IP6K3: variants seen among roughly 807,000 people sequenced by gnomAD.
IP6K3 encodes the protein inositol hexakisphosphate kinase 3, also known as ATP:1D-myo-inositol-hexakisphosphate phosphotransferase.
Under a neutral mutation model 28.8 loss-of-function variants are expected in IP6K3, and 20 were observed. The ratio of observed to expected loss-of-function variants is 0.70; its 90% CI spans 0.49 to 1.01. The LOEUF is 1.01. Among genes scored for constraint, IP6K3 ranks in the 50% least tolerant of loss-of-function variants. The pLI is 0.00. For missense variants in IP6K3, 480 were observed against 537.1 expected (o/e 0.89, Z 1.05); for synonymous variants, 213 against 221.3 (o/e 0.96, Z 0.33).
At chr6:33,729,134 T>C (rs891776711) in intron 2 of IP6K3, among the ~76,000 whole-genome samples, 1 of 152,218 alleles carries the variant, frequency 6.6e-6, no homozygotes, top group South Asian at 2.1e-4. Flanking sequence ...TGGACATTGG[T>C]CGGGCTTGAG....
chr6:33,756,779 G>T, the IP6K3 span, among the ~76,000 whole-genome samples: 1 of 152,126 alleles, frequency 6.6e-6, no homozygotes, highest in Non-Finnish European at 1.5e-5. Flanking sequence ...AGTCCTAGGG[G>T]CTGTAAGTCA....
intron 1 of IP6K3, among the ~76,000 whole-genome samples, chr6:33,743,643 C>T (rs652049): frequency 0.19 from 28,689 of 151,990 alleles, 2,999 homozygotes; most frequent in African/African-American, 0.25. Context: ...TAGGATGGTG[C>T]GCCCTCTGTC....
At chr6:33,751,133 G>T (rs965249068), upstream of IP6K3, among the ~76,000 whole-genome samples, 1 of 152,130 alleles carries the variant, frequency 6.6e-6, no homozygotes, top group Non-Finnish European at 1.5e-5. The surrounding 1 kb of genome is among the most constrained non-coding windows in gnomAD (Gnocchi z 4.3). Context: ...TTGCAGCAAG[G>T]GGGGGCCTTG....
At chr6:33,729,775 G>A (rs4713669) in intron 2 of IP6K3, among the ~76,000 whole-genome samples, 59,148 of 151,398 alleles carry the variant, frequency 0.39, 14,329 homozygotes, top group East Asian at 0.86. Flanking sequence ...GTGCAGTGGC[G>A]CAATCTCGGC....
upstream of IP6K3, among the ~76,000 whole-genome samples, chr6:33,747,633 A>T (rs970028404): frequency 2.0e-5 from 3 of 151,780 alleles, no homozygotes; most frequent in African/African-American, 7.3e-5. The surrounding 1 kb of genome is among the most constrained non-coding windows in gnomAD (Gnocchi z 5.2). Context: ...GCTACAGGAG[A>T]GGCTGTGCAG....
At chr6:33,730,253 G>A (rs1301302400) in intron 2 of IP6K3, among the ~76,000 whole-genome samples, 1 of 152,170 alleles carries the variant, frequency 6.6e-6, no homozygotes, top group African/African-American at 2.4e-5. Flanking sequence ...TGGTCAGCGT[G>A]GACACTCGTT....
At chr6:33,728,492 G>A (rs1766205090) in intron 2 of IP6K3, among the ~76,000 whole-genome samples, 192 bp from the exon 3 acceptor site, 1 of 152,204 alleles carries the variant, frequency 6.6e-6, no homozygotes, top group Non-Finnish European at 1.5e-5. Flanking sequence ...CCCAGAATGA[G>A]CCCTGGAGCT....
At chr6:33,747,206 GA>G (rs534422460), upstream of IP6K3, among the ~76,000 whole-genome samples, 57 of 152,176 alleles carry the variant, frequency 3.7e-4, 1 homozygote, top group East Asian at 0.011. This position sits in a 1 kb window ranked among gnomAD's most constrained non-coding sequence, Gnocchi z 5.2. Flanking sequence ...AATTCAAAAG[GA>G]AAGGGGTGAG....
the IP6K3 span, among the ~76,000 whole-genome samples, chr6:33,754,987 G>C: frequency 5.3e-5 from 8 of 152,316 alleles, no homozygotes; most frequent in East Asian, 1.5e-3. Context: ...TCCTCACACA[G>C]GGTTGAGAGT....
intron 1 of IP6K3, among the ~76,000 whole-genome samples, chr6:33,739,606 G>A (rs1366310708): frequency 6.6e-6 from 1 of 152,240 alleles, no homozygotes; most frequent in Non-Finnish European, 1.5e-5. Context: ...CTCCAGCTCT[G>A]TGGGATTGAG....
chr6:33,725,735 C>G (rs988807787), intron 4 of IP6K3, 119 bp from the exon 5 acceptor site: 2 of 782,962 alleles, frequency 2.6e-6, no homozygotes, highest in Admixed American at 5.3e-5. Context: ...ATTCTTCACT[C>G]CCATTGCCTT....
In IP6K3 at chr6:33,728,294, A is replaced by G; in HGVS notation, c.206T>C (p.Val69Ala). Residue 69 changes from valine to alanine, a missense_variant, in exon 3 of 6, where the codon GTC (valine) becomes GCC (alanine). Coordinates refer to ENST00000293756, the MANE Select transcript of IP6K3 (RefSeq NM_054111.5). ...GCTGTCTTTCCAGAGGTGCACTGTG[A>G]CGGTACCTGCAAACACACAGGGAAG... ...KRFTPQYKGTVTVHLWKDSTG... is the reference protein window; with the variant it reads ...KRFTPQYKGTATVHLWKDSTG... The G allele has an allele frequency of 1.9e-6, 3 of 1,614,084 alleles. No individual in the cohort carries two copies. The highest frequency in any genetic ancestry group is 2.2e-5 in the East Asian group (1 of 44,882).
intron 1 of IP6K3, 60 bp from the exon 2 acceptor site, chr6:33,735,715 A>C: frequency 1.1e-6 from 1 of 933,700 alleles, no homozygotes; most frequent in Admixed American, 3.1e-5. Flanking sequence ...GGGGCAGGGC[A>C]GCGCTTGGAA....
chr6:33,725,504 G>A lies in IP6K3; in HGVS notation c.702C>T (p.Arg234=). 1 of 1,613,914 alleles carries A rather than the reference G, an allele frequency of 6.2e-7. No homozygotes were observed. Among genetic ancestry groups the A allele is most frequent in the African/African-American group, 1.3e-5 (1 of 75,040 alleles). The change falls in exon 5 of 6, where the codon CGC becomes CGT. Residue 234 remains arginine (R), a synonymous_variant. Transcript: ENST00000293756. ...TGCTCTGCGCACACTTCCTCATGTG[G>A]CGGGCCTTCTTCTCCTCCGATGCAT... ...GDDASEEKKA[R]HMRKCAQSTS...
chr6:33,730,978 C>G (rs543068005), intron 2 of IP6K3, among the ~76,000 whole-genome samples: 76 of 152,316 alleles, frequency 5.0e-4, no homozygotes, highest in Admixed American at 2.2e-3. Flanking sequence ...GCGCTGAGGG[C>G]TGGGAGCCCA....
the IP6K3 span, among the ~76,000 whole-genome samples, chr6:33,756,097 C>T: frequency 3.3e-5 from 5 of 152,166 alleles, no homozygotes; most frequent in Admixed American, 6.5e-5. Context: ...CTCCTGACCT[C>T]AGGTGATCCA....
At position 33,726,813 on chromosome 6, in the gene IP6K3, C is replaced by G; in HGVS notation, c.507G>C (p.Lys169Asn). 6.2e-7 allele frequency: 1 copy of G among 1,613,530 alleles called. No homozygotes were observed. The highest frequency in any genetic ancestry group is 8.5e-7 in the Non-Finnish European group (1 of 1,179,572). ...EDTNGNQVER[K>N]SFNPWGLQCH... is the part of the protein sequence containing the mutation. ...ATTGCAGGCCCCACGGGTTGAAGCT[C>G]TTCCTCTCAACCTGGTTTCCGTTGG... Residue 169 changes from lysine (K) to asparagine (N), a missense_variant, in exon 4 of 6, where the codon AAG becomes AAC. By Grantham distance (94) the Lys-to-Asn change is moderately conservative. Coordinates refer to ENST00000293756, the MANE Select transcript of IP6K3 (RefSeq NM_054111.5).
intron 3 of IP6K3, chr6:33,727,836 C>T: frequency 1.0e-6 from 1 of 984,628 alleles, no homozygotes; most frequent in Non-Finnish European, 1.2e-6. Flanking sequence ...TGAATACCTA[C>T]TCAGTAGACA....
chr6:33,753,884 C>T, the IP6K3 span, among the ~76,000 whole-genome samples: 4 of 152,268 alleles, frequency 2.6e-5, no homozygotes, highest in African/African-American at 9.6e-5. Context: ...TCTCAGCTCA[C>T]TGCAAGCTCT....
Sources: allele counts gnomAD v4.1 joint callset (sites outside exome capture counted in the v4.1 genomes callset), GRCh38; gene constraint gnomAD v4.1.1; non-coding constraint Gnocchi (gnomAD v3.1); transcripts MANE v1.5; gene names NCBI Gene and HGNC (gene_info 2026-07-23, HGNC 2026-07-21).